The following CNKSR1 variants were observed in gnomAD, a reference collection of about 807,000 sequenced individuals.
CNKSR1 encodes the protein connector enhancer of kinase suppressor of Ras 1, also known as CNK homolog protein 1.
In CNKSR1, 88 loss-of-function variants were observed where a neutral mutation model predicts 95.6. That is an observed-to-expected ratio of 0.92 (90% confidence interval 0.78 to 1.10). The LOEUF (loss-of-function observed/expected upper bound fraction) is 1.10, where lower values mean the gene tolerates loss of function less well. Ranked by LOEUF, CNKSR1 falls within the 50% of genes least tolerant of loss-of-function variation. CNKSR1 has a pLI of 0.00. For synonymous variants in CNKSR1, 355 were observed against 369.7 expected, an observed-to-expected ratio of 0.96 and a Z score of 0.46; for missense variants, 836 against 912.0, an observed-to-expected ratio of 0.92 and a Z score of 1.07.
chr1:26,187,595 G>A, intron 16 of CNKSR1, 113 bp downstream of exon 16: 1 of 973,122 alleles, frequency 1.0e-6, no homozygotes, highest in South Asian at 1.3e-5. Flanking sequence ...GAGAGTGGTT[G>A]GTCAAGATAC....
At chr1:26,187,873 G>A (rs189541226) in intron 16 of CNKSR1, among the ~76,000 whole-genome samples, 24 of 151,800 alleles carry the variant, frequency 1.6e-4, no homozygotes, top group Admixed American at 2.6e-4. Flanking sequence ...CGCCTGCCTC[G>A]GCCTCCCAAA....
In CNKSR1 at chr1:26,180,435, G is replaced by A. The variant is rs1374709441; in HGVS notation, c.53-18G>A. Reference sequence around the variant, plus strand: ...TGACACCTCTGCTTCCCCGAGCTGAGCCTTACTCTCCCTCCAGGTCTTGAC... The same window carrying A: ...TGACACCTCTGCTTCCCCGAGCTGAACCTTACTCTCCCTCCAGGTCTTGAC... On this transcript the variant is annotated intron_variant, in intron 1 of 20. Coordinates refer to ENST00000361530, the MANE Select transcript of CNKSR1 (RefSeq NM_006314.3). 1.9e-6 allele frequency: 3 copies of A among 1,613,294 alleles called. No homozygotes were observed. Among genetic ancestry groups the A allele is most frequent in the Non-Finnish European group, 2.5e-6 (3 of 1,180,050 alleles).
chr1:26,183,862 T>G, intron 9 of CNKSR1, 32 bp downstream of exon 9: 1 of 559,226 alleles, frequency 1.8e-6, no homozygotes, highest in Non-Finnish European at 2.8e-6. Flanking sequence ...CGACCTGCCT[T>G]CAGACCCCCC....
At position 26,188,863 on chromosome 1, in the gene CNKSR1, A is replaced by G. The variant is rs775389629; in HGVS notation, c.1782A>G (p.Glu594=). ...GCCAGCCACAGCCCCTGACCCAGGA[A>G]CAGTGGCGGAGCTCTTTCATGCGGC... ...LLGQPQPLTQ[E]QWRSSFMRRN... Residue 594 remains glutamate (E), a synonymous_variant, in exon 20 of 21, where the codon GAA becomes GAG. Transcript: ENST00000361530. The G allele has an allele frequency of 3.1e-6, 5 of 1,613,762 alleles. No individual in the cohort carries two copies. Among genetic ancestry groups the G allele is most frequent in the South Asian group, 1.1e-5 (1 of 91,074 alleles).
intron 14 of CNKSR1, among the ~76,000 whole-genome samples, chr1:26,186,505 C>T (rs141760794): frequency 1.5e-3 from 221 of 151,572 alleles, no homozygotes; most frequent in African/African-American, 4.4e-3. Context: ...GACGCAGTCT[C>T]GCTCTGTTGC....
At chr1:26,185,534 A>G (rs992502443) in intron 14 of CNKSR1, among the ~76,000 whole-genome samples, 31 of 151,440 alleles carry the variant, frequency 2.0e-4, no homozygotes, top group African/African-American at 7.3e-4. Flanking sequence ...CTGGAACTAC[A>G]GGCGCCCGCC....
At chr1:26,183,036 G>A (rs1268385279) in intron 6 of CNKSR1, among the ~76,000 whole-genome samples, 161 bp from the exon 7 acceptor site, 1 of 152,092 alleles carries the variant, frequency 6.6e-6, no homozygotes, top group East Asian at 1.9e-4. Flanking sequence ...GCCCACAGGA[G>A]TAGCAAGTCC....
At chr1:26,185,303 TA>T in intron 14 of CNKSR1, 117 bp downstream of exon 14, 1 of 1,083,202 alleles carries the variant, frequency 9.2e-7, no homozygotes, top group African/African-American at 1.6e-5. Context: ...TCCCCATCTG[TA>T]AAATGGGGAC....
chr1:26,184,840 G>A (rs935352108), intron 13 of CNKSR1, among the ~76,000 whole-genome samples, 174 bp from the exon 14 acceptor site: 1 of 151,726 alleles, frequency 6.6e-6, no homozygotes, highest in Non-Finnish European at 1.5e-5. Context: ...TCTTCAGTTT[G>A]CTCATCTCTA....
At position 26,184,278 on chromosome 1, in the gene CNKSR1, G is replaced by T; in HGVS notation, c.991G>T (p.Ala331Ser). 6.2e-7 allele frequency: 1 copy of T among 1,613,728 alleles called. No individual in the cohort carries two copies. The highest frequency in any genetic ancestry group is 8.5e-7 in the Non-Finnish European group (1 of 1,179,922). The change falls in exon 11 of 21, where the codon GCC (alanine) becomes TCC (serine). Residue 331 changes from alanine (A) to serine (S), a missense_variant. Coordinates refer to ENST00000361530, the MANE Select transcript of CNKSR1 (RefSeq NM_006314.3). ...AAACCCCAGTCCCGGACCCAGCCCT[G>T]CCTGGACAGGTAGTCTCAAAGCTCC... ...SSNPSPGPSP[A>S]WTDSASLGPE...
At chr1:26,183,672 T>C in intron 8 of CNKSR1, 57 bp from the exon 9 acceptor site, 1 of 1,286,692 alleles carries the variant, frequency 7.8e-7, no homozygotes, top group Non-Finnish European at 1.1e-6. Context: ...TGAGAGTTGG[T>C]GGTTGCTTTA....
chr1:26,180,077 A>T, intron 1 of CNKSR1: 1 of 326,780 alleles, frequency 3.1e-6, no homozygotes. Flanking sequence ...TCAAGGCTGC[A>T]GTGAGCCGTG....
At chr1:26,183,457 G>C in intron 8 of CNKSR1, 43 bp downstream of exon 8, 2 of 1,598,870 alleles carry the variant, frequency 1.3e-6, no homozygotes, top group Non-Finnish European at 1.7e-6. Flanking sequence ...AGGGGTCACC[G>C]AGTGGAACCC....
Position 26,183,245 on chromosome 1 carries a change from G to C in CNKSR1, c.673G>C (p.Val225Leu), listed in dbSNP as rs199661716. 26 of 1,614,200 alleles carry C rather than the reference G, an allele frequency of 1.6e-5. No individual in the cohort carries two copies. In the Admixed American group the frequency reaches 4.3e-4, roughly 27 times the overall value. Residue 225 changes from valine to leucine, a missense_variant, in exon 7 of 21, where the codon GTG (valine) becomes CTG (leucine). Val to Leu is a conservative substitution (Grantham distance 32). Coordinates refer to ENST00000361530, the MANE Select transcript of CNKSR1 (RefSeq NM_006314.3). Reference protein sequence around the residue: ...TSNCQHFVSQVDTQVPTDSRL... With the variant: ...TSNCQHFVSQLDTQVPTDSRL... Reference sequence around the variant, plus strand: ...CAATTGCCAGCACTTTGTGTCCCAAGTGGACACCCAGGTGAGAGCCCCACA... The same window carrying C: ...CAATTGCCAGCACTTTGTGTCCCAACTGGACACCCAGGTGAGAGCCCCACA...
At chr1:26,178,279 G>C (rs1415214777) in intron 1 of CNKSR1, among the ~76,000 whole-genome samples, 1 of 151,992 alleles carries the variant, frequency 6.6e-6, no homozygotes, top group East Asian at 1.9e-4. Context: ...CTTAGAGTCA[G>C]AAACTGACAC....
At chr1:26,178,700 T>C (rs2088599652) in intron 1 of CNKSR1, among the ~76,000 whole-genome samples, 1 of 152,232 alleles carries the variant, frequency 6.6e-6, no homozygotes, top group South Asian at 2.1e-4. Context: ...CCATAGGTCT[T>C]AGTTTTTCTG....
At chr1:26,186,679 T>TTGG (rs1192624085) in intron 14 of CNKSR1, among the ~76,000 whole-genome samples, 3 of 152,080 alleles carry the variant, frequency 2.0e-5, no homozygotes, top group Non-Finnish European at 4.4e-5. Context: ...TTTCACCATG[T>TTGG]TGGCCAGGCT....
chr1:26,188,563 A>G (rs1246364464), intron 18 of CNKSR1, 35 bp from the exon 19 acceptor site: 2 of 1,612,506 alleles, frequency 1.2e-6, no homozygotes, highest in East Asian at 2.2e-5. Flanking sequence ...TGGAGCTCAG[A>G]CAGAAACCCT....
chr1:26,185,064 C>A lies in CNKSR1; in HGVS notation c.1186C>A (p.Arg396=). The part of the protein sequence containing the change: ...RRRVSCRELG[R]PDCDGWLLLR... The stretch of plus-strand genomic sequence containing the variant: ...GCGGGTGTCATGCCGTGAGCTGGGC[C>A]GGCCGGACTGTGACGGCTGGCTCCT... Residue 396 remains arginine (R), a synonymous_variant, in exon 14 of 21, where the codon CGG becomes AGG. Coordinates refer to ENST00000361530, the MANE Select transcript of CNKSR1 (RefSeq NM_006314.3). 6.2e-7 allele frequency: 1 copy of A among 1,605,256 alleles called. No homozygotes were observed. Among genetic ancestry groups the A allele is most frequent in the Non-Finnish European group, 8.5e-7 (1 of 1,178,498 alleles).
Sources: gnomAD v4.1 joint callset for allele counts (sites outside exome capture counted in the v4.1 genomes callset) on GRCh38, gnomAD v4.1.1 for gene constraint, MANE v1.5 for transcripts, NCBI Gene and HGNC (gene_info 2026-07-23, HGNC 2026-07-21) for gene names.